Variants in CSMD1 observed in about 807,000 individuals in gnomAD.
CSMD1 encodes CUB and sushi domain-containing protein 1.
A neutral mutation model predicts 417.5 loss-of-function variants in CSMD1; 213 were observed. The ratio of observed to expected loss-of-function variants is 0.51; its 90% CI spans 0.46 to 0.57. The LOEUF (loss-of-function observed/expected upper bound fraction) is 0.57. CSMD1 is among the 20% of genes least tolerant of loss of function. CSMD1 has a pLI of 0.00. For synonymous variants in CSMD1, 2,862 were observed against 1,736.8 expected, an observed-to-expected ratio of 1.65 and a Z score of -16.11; for missense variants, 6,923 against 4,529.7, an observed-to-expected ratio of 1.53 and a Z score of -15.17.
intron 10 of CSMD1, among the ~76,000 whole-genome samples, chr8:3,514,995 T>C (rs1351631837): frequency 1.3e-5 from 2 of 152,346 alleles, no homozygotes; most frequent in Middle Eastern, 3.4e-3. Context: ...CAACATTTTA[T>C]ACTGAAATTA....
chr8:4,484,212 A>C (rs962524217), intron 2 of CSMD1, among the ~76,000 whole-genome samples: 2 of 152,052 alleles, frequency 1.3e-5, no homozygotes, highest in Admixed American at 6.5e-5. Flanking sequence ...AAAAAAAAAA[A>C]AAAACCTTGC....
At chr8:4,726,283 A>T (rs180727724) in intron 1 of CSMD1, among the ~76,000 whole-genome samples, 1 of 151,958 alleles carries the variant, frequency 6.6e-6, no homozygotes, top group East Asian at 1.9e-4. Context: ...GATCCTTTGT[A>T]GTAATGGCGA....
chr8:4,746,159 C>A (rs1269614421), intron 1 of CSMD1, among the ~76,000 whole-genome samples: 3 of 152,148 alleles, frequency 2.0e-5, no homozygotes, highest in African/African-American at 7.2e-5. Context: ...TTGGGCTTTG[C>A]ACCTTTTCAT....
chr8:4,051,778 T>A (rs1798435928), intron 3 of CSMD1, among the ~76,000 whole-genome samples: 1 of 152,200 alleles, frequency 6.6e-6, no homozygotes, highest in Non-Finnish European at 1.5e-5. Flanking sequence ...GCTCCCAGTG[T>A]CCCAGGTGTG....
At chr8:3,463,461 G>C (rs982346347) in intron 12 of CSMD1, among the ~76,000 whole-genome samples, 1 of 152,190 alleles carries the variant, frequency 6.6e-6, no homozygotes, top group Non-Finnish European at 1.5e-5. Flanking sequence ...GTAAACAAAA[G>C]GTTATTTGAA....
At chr8:4,796,113 G>A (rs1051521505) in intron 1 of CSMD1, among the ~76,000 whole-genome samples, 3 of 152,064 alleles carry the variant, frequency 2.0e-5, no homozygotes, top group Non-Finnish European at 2.9e-5. Context: ...GGAGTTTACT[G>A]TCTGTGGAGA....
At chr8:4,426,291 C>G (rs959190276) in intron 2 of CSMD1, among the ~76,000 whole-genome samples, 1 of 151,138 alleles carries the variant, frequency 6.6e-6, no homozygotes, top group Admixed American at 6.6e-5. Flanking sequence ...TAGAATTCAT[C>G]CAAAATTTGT....
chr8:3,040,226 C>A (rs955480388), intron 50 of CSMD1, among the ~76,000 whole-genome samples: 1 of 151,938 alleles, frequency 6.6e-6, no homozygotes, highest in Admixed American at 6.6e-5. Context: ...AATATCACCA[C>A]CAAAATGTTA....
chr8:3,156,498 T>C (rs1819542686), intron 39 of CSMD1, among the ~76,000 whole-genome samples: 1 of 152,156 alleles, frequency 6.6e-6, no homozygotes, highest in African/African-American at 2.4e-5. Flanking sequence ...ATTACAACTC[T>C]GCAGGAAGTA....
At chr8:4,893,082 G>T (rs547203709) in intron 1 of CSMD1, among the ~76,000 whole-genome samples, 1 of 152,086 alleles carries the variant, frequency 6.6e-6, no homozygotes, top group African/African-American at 2.4e-5. Flanking sequence ...CCCCTCCAGG[G>T]CTCGTCACTG....
intron 7 of CSMD1, among the ~76,000 whole-genome samples, chr8:3,682,374 G>A (rs565432322): frequency 6.6e-6 from 1 of 152,288 alleles, no homozygotes; most frequent in East Asian, 1.9e-4. Context: ...ATCAACAAGT[G>A]GGTGAAGGAC....
chr8:4,990,278 T>A (rs781239610), intron 1 of CSMD1, among the ~76,000 whole-genome samples: 1 of 152,232 alleles, frequency 6.6e-6, no homozygotes, highest in East Asian at 1.9e-4. Context: ...GAAGTCATAG[T>A]AATTAGTAAT....
At chr8:3,025,435 C>CGTGTATTGTGTGGTGTTCTTCTGAAACT (rs1809796845) in intron 51 of CSMD1, among the ~76,000 whole-genome samples, 3 of 130,670 alleles carry the variant, frequency 2.3e-5, no homozygotes, top group African/African-American at 2.8e-5. Flanking sequence ...ATTCTGAAAC[C>CGTGTATTGTGTGGTGTTCTTCTGAAACT]GTGTATTGTG....
At chr8:4,643,478 A>G (rs1361575769) in intron 1 of CSMD1, among the ~76,000 whole-genome samples, 1 of 152,176 alleles carries the variant, frequency 6.6e-6, no homozygotes, top group African/African-American at 2.4e-5. Context: ...CCTTACTCCT[A>G]CTGGACGTAG....
intron 3 of CSMD1, among the ~76,000 whole-genome samples, chr8:4,072,661 C>A (rs1381033450): frequency 1.3e-5 from 2 of 152,126 alleles, no homozygotes; most frequent in African/African-American, 4.8e-5. Context: ...AAGGCTTCCC[C>A]TTTATTTCTG....
chr8:4,912,527 G>C (rs1416867216), intron 1 of CSMD1, among the ~76,000 whole-genome samples: 1 of 152,136 alleles, frequency 6.6e-6, no homozygotes, highest in African/African-American at 2.4e-5. Flanking sequence ...TGCCCCATAA[G>C]CTCGTCTCAA....
intron 3 of CSMD1, among the ~76,000 whole-genome samples, chr8:4,272,165 C>G (rs971944023): frequency 1.8e-4 from 28 of 152,118 alleles, no homozygotes; most frequent in African/African-American, 5.6e-4. Flanking sequence ...TCTCAGCATG[C>G]TGGTACAGCT....
At chr8:3,200,802 A>G (rs1247930410) in intron 32 of CSMD1, among the ~76,000 whole-genome samples, 1 of 152,142 alleles carries the variant, frequency 6.6e-6, no homozygotes, top group Admixed American at 6.6e-5. Flanking sequence ...TTAGTTAATA[A>G]TAAAATAGAG....
intron 7 of CSMD1, among the ~76,000 whole-genome samples, chr8:3,665,512 G>C (rs1003584151): frequency 1.3e-5 from 2 of 152,156 alleles, no homozygotes; most frequent in African/African-American, 4.8e-5. Context: ...CTGGGCGACA[G>C]AGCGAGACTC....
Sources: allele counts gnomAD v4.1 joint callset (sites outside exome capture counted in the v4.1 genomes callset), GRCh38; gene constraint gnomAD v4.1.1; transcripts MANE v1.5; gene names NCBI Gene and HGNC (gene_info 2026-07-23, HGNC 2026-07-21).